ITPRID1: variants seen among roughly 807,000 people sequenced by gnomAD.
ITPRID1 encodes protein ITPRID1.
Under a neutral mutation model 95.4 loss-of-function variants are expected in ITPRID1, and 96 were observed. That is an observed-to-expected ratio of 1.01 (90% CI 0.85 to 1.19). The LOEUF (loss-of-function observed/expected upper bound fraction) is 1.19, where lower values mean the gene tolerates loss of function less well. Among genes scored for constraint, ITPRID1 ranks in the 50% most tolerant of loss-of-function variants. The probability of loss-of-function intolerance (pLI) is 0.00; values close to 1 mark genes in which losing one functional copy is unlikely to be tolerated. For missense variants in ITPRID1, 1,339 were observed against 1,252.9 expected (o/e 1.07, Z -1.04); for synonymous variants, 510 against 453.6 (o/e 1.12, Z -1.58).
chr7:31,624,232 A>C (rs561884210), intron 10 of ITPRID1, among the ~76,000 whole-genome samples: 315 of 146,496 alleles, frequency 2.2e-3, no homozygotes, highest in Non-Finnish European at 3.9e-3. Context: ...ATCCCCATCA[A>C]GCTACCAATG....
intron 10 of ITPRID1, among the ~76,000 whole-genome samples, chr7:31,598,584 T>C (rs1394995286): frequency 6.6e-6 from 1 of 151,834 alleles, no homozygotes; most frequent in Non-Finnish European, 1.5e-5. Flanking sequence ...TTTGTATTTT[T>C]AGTAGGGACG....
intron 10 of ITPRID1, among the ~76,000 whole-genome samples, chr7:31,604,768 G>T (rs751877229): frequency 6.6e-6 from 1 of 152,100 alleles, no homozygotes; most frequent in Non-Finnish European, 1.5e-5. Flanking sequence ...TTTTTTCAAG[G>T]GATAGCTTAT....
chr7:31,579,369 T>A (rs946902894), intron 9 of ITPRID1, among the ~76,000 whole-genome samples: 1 of 152,190 alleles, frequency 6.6e-6, no homozygotes, highest in African/African-American at 2.4e-5. Context: ...GCAGGATATT[T>A]ACATGCAAAT....
intron 10 of ITPRID1, among the ~76,000 whole-genome samples, chr7:31,626,162 C>A (rs937812254): frequency 6.6e-6 from 1 of 152,188 alleles, no homozygotes; most frequent in Non-Finnish European, 1.5e-5. Context: ...AAATCTGTGA[C>A]TATGTGTATG....
At chr7:31,569,325 G>A (rs767836101) in intron 5 of ITPRID1, among the ~76,000 whole-genome samples, 22 of 152,262 alleles carry the variant, frequency 1.4e-4, no homozygotes, top group Middle Eastern at 3.4e-3. Flanking sequence ...CCTGTACCAT[G>A]AGAGAGCATC....
intron 10 of ITPRID1, among the ~76,000 whole-genome samples, chr7:31,637,280 T>C (rs1317201698): frequency 6.6e-6 from 1 of 152,170 alleles, no homozygotes; most frequent in Non-Finnish European, 1.5e-5. Flanking sequence ...TCAAATGGTA[T>C]TTCTAGTTGT....
intron 10 of ITPRID1, among the ~76,000 whole-genome samples, chr7:31,640,201 A>G (rs1298284621): frequency 6.6e-6 from 1 of 152,136 alleles, no homozygotes; most frequent in Non-Finnish European, 1.5e-5. Context: ...TCTACCCCTC[A>G]ATGTCCTGTG....
chr7:31,607,090 T>C (rs1323808699), intron 10 of ITPRID1, among the ~76,000 whole-genome samples: 1 of 152,192 alleles, frequency 6.6e-6, no homozygotes, highest in African/African-American at 2.4e-5. Flanking sequence ...GATAGTCCTT[T>C]TTTTCTATTT....
At chr7:31,585,100 G>A (rs1439044699) in intron 10 of ITPRID1, among the ~76,000 whole-genome samples, 1 of 152,152 alleles carries the variant, frequency 6.6e-6, no homozygotes, top group Admixed American at 6.5e-5. Flanking sequence ...TGGCCCAAAC[G>A]TTCAGATGAC....
In ITPRID1 at chr7:31,652,878, A is replaced by G. The variant is rs1791090583; in HGVS notation, c.*49A>G. 6.4e-7 allele frequency: 1 copy of G among 1,565,106 alleles called. No homozygotes were observed. Among genetic ancestry groups the G allele is most frequent in the African/African-American group, 1.4e-5 (1 of 73,118 alleles). On this transcript the variant is annotated 3_prime_UTR_variant, in exon 15 of 15. Coordinates refer to ENST00000615280, the MANE Select transcript of ITPRID1 (RefSeq NM_001257967.3). ...CATACAAAATATAAAGGCCCAGAAC[A>G]GATGTAGCAAGGAAATTTCAATTTT...
At chr7:31,529,494 G>A (rs1783525370) in intron 1 of ITPRID1, 1 of 428,068 alleles carries the variant, frequency 2.3e-6, no homozygotes, top group African/African-American at 2.0e-5. Flanking sequence ...CAATCCAGAA[G>A]TTGTTACTAG....
intron 10 of ITPRID1, among the ~76,000 whole-genome samples, chr7:31,621,960 C>A (rs369229114): frequency 6.8e-6 from 1 of 147,448 alleles, no homozygotes; most frequent in South Asian, 2.3e-4. Context: ...CAATCCTAGT[C>A]TCTGATAAAA....
At chr7:31,576,704 G>T (rs1208008423) in intron 8 of ITPRID1, among the ~76,000 whole-genome samples, 1 of 152,098 alleles carries the variant, frequency 6.6e-6, no homozygotes, top group Non-Finnish European at 1.5e-5. Flanking sequence ...AAAGAAAAAG[G>T]TAGGCACTGG....
chr7:31,616,219 T>G (rs1583582288), intron 10 of ITPRID1, among the ~76,000 whole-genome samples: 1 of 152,208 alleles, frequency 6.6e-6, no homozygotes, highest in Admixed American at 6.5e-5. Flanking sequence ...TTGACCATGG[T>G]TTTTAATCGT....
intron 10 of ITPRID1, among the ~76,000 whole-genome samples, chr7:31,623,612 A>G (rs1583623476): frequency 7.1e-6 from 1 of 140,664 alleles, no homozygotes; most frequent in South Asian, 2.5e-4. Flanking sequence ...TCTCAAAATA[A>G]TAAGAGCTAT....
At chr7:31,579,221 A>C (rs1186525944) in intron 9 of ITPRID1, among the ~76,000 whole-genome samples, 1 of 151,938 alleles carries the variant, frequency 6.6e-6, no homozygotes, top group African/African-American at 2.4e-5. Flanking sequence ...ATGTCCACTC[A>C]TCAGTCTATT....
chr7:31,586,002 A>T (rs1197801737), intron 10 of ITPRID1, among the ~76,000 whole-genome samples: 2 of 108,216 alleles, frequency 1.8e-5, no homozygotes, highest in Non-Finnish European at 3.8e-5. Context: ...CCCCCATCCC[A>T]CAACAGTCCC....
intron 1 of ITPRID1, among the ~76,000 whole-genome samples, chr7:31,533,070 G>C (rs1238908599): frequency 6.6e-6 from 1 of 151,996 alleles, no homozygotes; most frequent in Non-Finnish European, 1.5e-5. Flanking sequence ...GAAAAAAATT[G>C]TGTCACATTG....
intron 5 of ITPRID1, among the ~76,000 whole-genome samples, chr7:31,564,604 G>A (rs1200437273): frequency 1.3e-5 from 2 of 152,100 alleles, no homozygotes; most frequent in Non-Finnish European, 2.9e-5. Context: ...ATACTACCTG[G>A]GGCAGTCTCA....
Sources: gnomAD v4.1 joint callset for allele counts (sites outside exome capture counted in the v4.1 genomes callset) on GRCh38, gnomAD v4.1.1 for gene constraint, MANE v1.5 for transcripts, NCBI Gene and HGNC (gene_info 2026-07-23, HGNC 2026-07-21) for gene names.